Variants in MMP26 observed in about 807,000 individuals in gnomAD.
The protein encoded by MMP26 is matrix metallopeptidase 26.
In MMP26, 33 loss-of-function variants were observed where a neutral mutation model predicts 31.0. The ratio of observed to expected loss-of-function variants is 1.06; its 90% CI spans 0.81 to 1.42. The LOEUF (loss-of-function observed/expected upper bound fraction) is 1.42. Among genes scored for constraint, MMP26 ranks in the 40% most tolerant of loss-of-function variants. The pLI is 0.00. For missense variants in MMP26, 347 were observed against 316.1 expected (o/e 1.10, Z -0.74); for synonymous variants, 122 against 114.9 (o/e 1.06, Z -0.40).
At chr11:4,739,898 T>A (rs1349267382) in intron 1 of MMP26, among the ~76,000 whole-genome samples, 1 of 152,102 alleles carries the variant, frequency 6.6e-6, no homozygotes, top group African/African-American at 2.4e-5. Flanking sequence ...ATAATCTCCA[T>A]TTTTTTATTC....
intron 2 of MMP26, chr11:4,848,590 G>A (rs767120829): frequency 6.2e-7 from 1 of 1,606,156 alleles, no homozygotes. Flanking sequence ...ACCACAAATA[G>A]GCTGTAGGCT....
chr11:4,949,287 G>T (rs1846348713), intron 2 of MMP26, among the ~76,000 whole-genome samples: 1 of 121,996 alleles, frequency 8.2e-6, no homozygotes. Context: ...TATTCTCAAG[G>T]ATTTTTACAT....
chr11:4,975,068 A>C (rs1290956498), intron 2 of MMP26, among the ~76,000 whole-genome samples: 1 of 152,042 alleles, frequency 6.6e-6, no homozygotes, highest in African/African-American at 2.4e-5. Flanking sequence ...AAGTTTACCT[A>C]TGTGACAAAC....
intron 1 of MMP26, chr11:4,723,119 A>C: frequency 6.3e-7 from 1 of 1,575,698 alleles, no homozygotes; most frequent in East Asian, 2.2e-5. Context: ...GGCGGCCTCC[A>C]GCTCGGACAG....
chr11:4,715,958 A>C (rs1847924308), intron 1 of MMP26, among the ~76,000 whole-genome samples: 1 of 152,224 alleles, frequency 6.6e-6, no homozygotes. Context: ...GGGCTTACCT[A>C]ATCACGGAAG....
intron 2 of MMP26, among the ~76,000 whole-genome samples, chr11:4,868,595 A>G (rs939506413): frequency 1.3e-5 from 2 of 152,206 alleles, no homozygotes; most frequent in Non-Finnish European, 1.5e-5. Flanking sequence ...AGAACATTCC[A>G]TGCTCTTTGA....
chr11:4,829,719 C>T (rs1311092908), intron 2 of MMP26, among the ~76,000 whole-genome samples: 2 of 152,104 alleles, frequency 1.3e-5, no homozygotes, highest in Non-Finnish European at 2.9e-5. Flanking sequence ...TGTTACTTAC[C>T]TAAAGCCATC....
In MMP26 at chr11:4,849,238, C is replaced by G. The variant is rs753574667; in HGVS notation, c.-145+81897C>G. On this transcript the variant is annotated intron_variant, in intron 2 of 7. Transcript: ENST00000380390. ...CAGGATTCCACGTTGAACTCTGGAACCTGAAAAATGATTAGAAAGGTTTAC... is the reference window on the plus strand; with the variant it reads ...CAGGATTCCACGTTGAACTCTGGAAGCTGAAAAATGATTAGAAAGGTTTAC... 4.5e-6 allele frequency: 7 copies of G among 1,559,098 alleles called. No individual in the cohort carries two copies. The African/African-American group carries it at 9.6e-5, about 21-fold the overall frequency.
At chr11:4,765,305 T>C (rs1281864531) in intron 1 of MMP26, among the ~76,000 whole-genome samples, 1 of 152,170 alleles carries the variant, frequency 6.6e-6, no homozygotes, top group African/African-American at 2.4e-5. Flanking sequence ...CCAATGACAT[T>C]GACTAAATCT....
intron 2 of MMP26, among the ~76,000 whole-genome samples, chr11:4,918,933 G>C (rs1306193547): frequency 6.6e-6 from 1 of 152,206 alleles, no homozygotes; most frequent in African/African-American, 2.4e-5. Context: ...CTGAGACTAG[G>C]GGTAGATGTT....
rs528792346 is a variant in MMP26, at chr11:4,869,409, A to T, written c.-145+102068A>T. Among the ~76,000 whole-genome samples the T allele has an allele frequency of 4.6e-5, 7 of 152,348 alleles. No homozygotes were observed. In the East Asian group the frequency reaches 1.3e-3, roughly 29 times the overall value. Reference sequence around the variant, plus strand: ...AGCCCCATCAAAAAGTGGGCGAAGGATATGAACAGACACTTCTCAAAAGAA... The same window carrying T: ...AGCCCCATCAAAAAGTGGGCGAAGGTTATGAACAGACACTTCTCAAAAGAA... On this transcript the variant is annotated intron_variant, in intron 2 of 7. Transcript: ENST00000380390.
intron 2 of MMP26, among the ~76,000 whole-genome samples, chr11:4,831,217 G>A (rs1157491690): frequency 6.6e-6 from 1 of 152,034 alleles, no homozygotes. Flanking sequence ...TCCATGAAAG[G>A]ACAAATGATC....
chr11:4,936,718 A>G (rs909821866), intron 2 of MMP26, among the ~76,000 whole-genome samples: 5 of 152,190 alleles, frequency 3.3e-5, no homozygotes, highest in Non-Finnish European at 7.3e-5. Context: ...TGTACCCATG[A>G]GAAGATAAAT....
chr11:4,940,458 C>G (rs1339919110), intron 2 of MMP26, among the ~76,000 whole-genome samples: 1 of 152,108 alleles, frequency 6.6e-6, no homozygotes, highest in Non-Finnish European at 1.5e-5. Flanking sequence ...CAAATTTTGT[C>G]AGACATTTTG....
chr11:4,783,788 G>T (rs1327250452), intron 2 of MMP26, among the ~76,000 whole-genome samples: 1 of 152,166 alleles, frequency 6.6e-6, no homozygotes, highest in Non-Finnish European at 1.5e-5. Context: ...AGTCTCACAA[G>T]ATCTGATGGT....
chr11:4,869,513 G>A (rs1340987308), intron 2 of MMP26, among the ~76,000 whole-genome samples: 2 of 152,236 alleles, frequency 1.3e-5, no homozygotes, highest in Middle Eastern at 3.4e-3. Flanking sequence ...CAAAACCACA[G>A]TGAGATGCCA....
intron 1 of MMP26, among the ~76,000 whole-genome samples, chr11:4,725,155 A>G (rs185680765): frequency 3.3e-5 from 5 of 152,258 alleles, no homozygotes; most frequent in Admixed American, 6.5e-5. Context: ...AAGTTTCCTG[A>G]GGCCTGCCCA....
At chr11:4,709,465 G>A (rs1847828026) in intron 1 of MMP26, 1 of 354,612 alleles carries the variant, frequency 2.8e-6, no homozygotes, top group Non-Finnish European at 5.5e-6. Context: ...GTTCTCTAGT[G>A]ATCACAAATT....
chr11:4,724,032 C>T (rs1227057347), intron 1 of MMP26: 1 of 676,040 alleles, frequency 1.5e-6, no homozygotes, highest in Non-Finnish European at 2.7e-6. Flanking sequence ...CCAGGCTACC[C>T]CGGAAGCTGC....
Sources: allele counts gnomAD v4.1 joint callset (sites outside exome capture counted in the v4.1 genomes callset), GRCh38; gene constraint gnomAD v4.1.1; transcripts MANE v1.5; gene names NCBI Gene and HGNC (gene_info 2026-07-23, HGNC 2026-07-21).